AMY2B: variants seen among roughly 807,000 people sequenced by gnomAD.
AMY2B encodes amylase alpha 2B.
AMY2B carries 63 observed loss-of-function variants against 59.3 expected under a neutral mutation model. That is an observed-to-expected ratio of 1.06 (90% CI 0.87 to 1.31). The LOEUF is 1.31. AMY2B is among the 50% of genes most tolerant of loss of function. The pLI, the probability that AMY2B is intolerant of heterozygous loss-of-function variation, is 0.00. For synonymous variants in AMY2B, 180 were observed against 198.1 expected (o/e 0.91, Z 0.77); for missense variants, 635 against 626.7 (o/e 1.01, Z -0.14).
chr1:103,577,922 A>G (rs1231958855), intron 9 of AMY2B, 77 bp downstream of exon 9: 1 of 1,580,690 alleles, frequency 6.3e-7, no homozygotes, highest in Non-Finnish European at 8.5e-7. Context: ...GTTCATTGAC[A>G]TTTATCATAT....
At chr1:103,557,421 C>T (rs1473498462) in intron 1 of AMY2B, among the ~76,000 whole-genome samples, 1 of 152,046 alleles carries the variant, frequency 6.6e-6, no homozygotes, top group African/African-American at 2.4e-5. Context: ...GAGGCCAACG[C>T]AGGTGGATCA....
chr1:103,579,182 A>T (rs1256814287), intron 9 of AMY2B, 129 bp from the exon 10 acceptor site: 14 of 1,553,282 alleles, frequency 9.0e-6, no homozygotes, highest in African/African-American at 2.8e-5. Flanking sequence ...AGGGAGGCAT[A>T]TGGGTTTTCT....
At chr1:103,571,357 A>T (rs1206602561), upstream of AMY2B, 10 of 1,036,920 alleles carry the variant, frequency 9.6e-6, no homozygotes, top group African/African-American at 1.6e-5. Flanking sequence ...ATCATTGTGT[A>T]TGGAAAAATA....
exon 1 of AMY2B, chr1:103,555,013 T>C (rs1439831140): frequency 6.6e-6 from 1 of 152,176 alleles, no homozygotes; most frequent in Non-Finnish European, 1.5e-5. Context: ...CTATTTTTAA[T>C]GGGCTTTTAT....
chr1:103,578,049 G>T (rs1167056150), intron 9 of AMY2B, among the ~76,000 whole-genome samples: 5 of 152,152 alleles, frequency 3.3e-5, no homozygotes, highest in African/African-American at 1.2e-4. Context: ...GCTTTCTGTT[G>T]TAAGCAGAGT....
At position 103,575,302 on chromosome 1, in the gene AMY2B, C is replaced by T. The variant is rs778916272; in HGVS notation, c.958C>T (p.His320Tyr). ...FVDNHDNQRGHGAGGASILTF... is the reference protein window; with the variant it reads ...FVDNHDNQRGYGAGGASILTF... ...GGATAACCATGACAATCAACGAGGA[C>T]ATGGGGCTGGAGGAGCCTCTATTCT... Residue 320 changes from histidine (H) to tyrosine (Y), a missense_variant, in exon 6 of 10, where the codon CAT (histidine) becomes TAT (tyrosine). Transcript: ENST00000684275. The T allele has an allele frequency of 4.3e-6, 7 of 1,613,618 alleles. No individual in the cohort carries two copies. Among genetic ancestry groups the T allele is most frequent in the African/African-American group, 1.3e-5 (1 of 74,996 alleles).
At chr1:103,571,246 T>C (rs1652119203), upstream of AMY2B, 6 of 718,408 alleles carry the variant, frequency 8.4e-6, no homozygotes, top group Admixed American at 8.8e-5. Context: ...ATCCTTTTAA[T>C]TTATGTAAAG....
intron 2 of AMY2B, among the ~76,000 whole-genome samples, chr1:103,572,728 G>A (rs1652184884): frequency 6.6e-6 from 1 of 152,076 alleles, no homozygotes; most frequent in Admixed American, 6.6e-5. Context: ...GCTTTCTCCT[G>A]GTGACCGACT....
At chr1:103,572,973 T>C in intron 2 of AMY2B, 90 bp from the exon 3 acceptor site, 2 of 1,602,296 alleles carry the variant, frequency 1.2e-6, no homozygotes, top group South Asian at 2.2e-5. Flanking sequence ...TATTTTGGAG[T>C]TTTATTAACA....
At chr1:103,556,272 A>G (rs190058931) in intron 1 of AMY2B, among the ~76,000 whole-genome samples, 1 of 152,350 alleles carries the variant, frequency 6.6e-6, no homozygotes, top group Non-Finnish European at 1.5e-5. Context: ...TATCACTGAA[A>G]AAGTACAGAA....
At chr1:103,572,419 TA>T (rs1002105328) in intron 2 of AMY2B, among the ~76,000 whole-genome samples, 163 bp downstream of exon 2, 7 of 152,230 alleles carry the variant, frequency 4.6e-5, no homozygotes, top group African/African-American at 1.7e-4. Flanking sequence ...TCAGCTTTTG[TA>T]AATATTTGTG....
At chr1:103,577,069 TA>T (rs1361080099) in intron 7 of AMY2B, among the ~76,000 whole-genome samples, 3 of 152,122 alleles carry the variant, frequency 2.0e-5, no homozygotes, top group Non-Finnish European at 4.4e-5. Context: ...ACCTCGTCTT[TA>T]CTGAAAATTT....
intron 1 of AMY2B, among the ~76,000 whole-genome samples, chr1:103,563,512 T>G (rs1433720738): frequency 6.6e-6 from 1 of 152,134 alleles, no homozygotes; most frequent in Non-Finnish European, 1.5e-5. Context: ...AAATATACTT[T>G]AATTGTTTTA....
At chr1:103,570,825 C>T (rs1343952048), upstream of AMY2B, 1 of 432,786 alleles carries the variant, frequency 2.3e-6, no homozygotes, top group African/African-American at 2.0e-5. Flanking sequence ...TATCTGATAT[C>T]AGCACTGGAT....
intron 1 of AMY2B, chr1:103,562,051 C>G (rs1651750456): frequency 6.6e-6 from 1 of 152,158 alleles, no homozygotes; most frequent in African/African-American, 2.4e-5. Context: ...GTAAAACACT[C>G]AACTGTGGGT....
chr1:103,566,317 C>G (rs1181321721), intron 2 of AMY2B, among the ~76,000 whole-genome samples: 1 of 152,104 alleles, frequency 6.6e-6, no homozygotes, highest in Non-Finnish European at 1.5e-5. Context: ...TATCCCTTCT[C>G]TAACTGAACA....
At chr1:103,561,307 G>T (rs1178225464) in intron 1 of AMY2B, among the ~76,000 whole-genome samples, 3 of 151,946 alleles carry the variant, frequency 2.0e-5, no homozygotes, top group African/African-American at 7.3e-5. Flanking sequence ...CATTCTTGTT[G>T]CCCAGGCTGG....
chr1:103,557,749 T>C (rs1651607026), intron 1 of AMY2B, among the ~76,000 whole-genome samples: 1 of 152,098 alleles, frequency 6.6e-6, no homozygotes, highest in Admixed American at 6.5e-5. Context: ...ATATCCAAAA[T>C]TTAAGAAGAT....
At chr1:103,574,920 A>G (rs1652284711) in intron 5 of AMY2B, among the ~76,000 whole-genome samples, 1 of 151,596 alleles carries the variant, frequency 6.6e-6, no homozygotes, top group African/African-American at 2.4e-5. Context: ...TTTTAATAAC[A>G]AAAATCTTAT....
Sources: gnomAD v4.1 joint callset for allele counts (sites outside exome capture counted in the v4.1 genomes callset) on GRCh38, gnomAD v4.1.1 for gene constraint, MANE v1.5 for transcripts, NCBI Gene and HGNC (gene_info 2026-07-23, HGNC 2026-07-21) for gene names.